Variants in ZFHX3 observed in about 807,000 individuals in gnomAD.
The protein encoded by ZFHX3 is zinc finger homeobox protein 3.
In ZFHX3, 42 loss-of-function variants were observed where a neutral mutation model predicts 279.1. The observed-to-expected ratio is 0.15, with a 90% CI of 0.12 to 0.19. ZFHX3 has a LOEUF of 0.19. Ranked by LOEUF, ZFHX3 falls within the 10% of genes least tolerant of loss-of-function variation. The pLI is 1.00. For synonymous variants in ZFHX3, 2,293 were observed against 1,957.8 expected, an observed-to-expected ratio of 1.17 and a Z score of -4.52; for missense variants, 4,981 against 4,754.0, an observed-to-expected ratio of 1.05 and a Z score of -1.40.
At chr16:73,650,976 C>A (rs777523602) in intron 2 of ZFHX3, among the ~76,000 whole-genome samples, 36 of 151,982 alleles carry the variant, frequency 2.4e-4, no homozygotes, top group Admixed American at 8.5e-4. Flanking sequence ...TTATAAGGCA[C>A]AGTTTATAAG....
chr16:73,349,361 C>T (rs546432003), intron 3 of ZFHX3, among the ~76,000 whole-genome samples: 1 of 152,280 alleles, frequency 6.6e-6, no homozygotes, highest in East Asian at 1.9e-4. Context: ...TACCTCTAAC[C>T]AAGTGCACAG....
chr16:72,871,789 A>AT (rs902901044), intron 4 of ZFHX3, among the ~76,000 whole-genome samples: 1 of 145,396 alleles, frequency 6.9e-6, no homozygotes, highest in Non-Finnish European at 1.5e-5. Context: ...AATTTTAAAA[A>AT]TTTTTTAAGG....
intron 4 of ZFHX3, among the ~76,000 whole-genome samples, chr16:73,288,877 G>A (rs2014699540): frequency 6.6e-6 from 1 of 151,480 alleles, no homozygotes; most frequent in Non-Finnish European, 1.5e-5. Context: ...GCCACCAATC[G>A]GAGAGCGGCT....
intron 4 of ZFHX3, among the ~76,000 whole-genome samples, chr16:73,280,055 C>G (rs987394239): frequency 1.3e-5 from 2 of 152,230 alleles, no homozygotes; most frequent in African/African-American, 2.4e-5. Flanking sequence ...GTTGGGGGAA[C>G]TGGACACACA....
rs2143265872 is a variant in ZFHX3, at chr16:72,787,222, G to A, written c.11054C>T (p.Pro3685Leu). 4 of 1,613,862 alleles carry A rather than the reference G, an allele frequency of 2.5e-6. No individual in the cohort carries two copies. The highest frequency in any genetic ancestry group is 3.4e-6 in the Non-Finnish European group (4 of 1,179,940). Residue 3685 changes from proline (P) to leucine (L), a missense_variant, in exon 10 of 10, where the codon CCC becomes CTC. Pro to Leu is a moderately conservative substitution (Grantham distance 98). Around this residue, in one of 7 missense-constraint regions of ZFHX3, gnomAD observed 1,034 missense variants for 786.0 expected, o/e 1.32. Transcript: ENST00000268489. ...CAGACCACTGTCCTTGGGGCAGCTG[G>A]GGTCTTTGGGACCCTCCACCGGGCT... is the stretch of plus-strand genomic sequence containing the variant. ...PASPVEGPKD[P>L]SCPKDSGLTS...
At chr16:73,091,290 T>C (rs149356758) in intron 8 of ZFHX3, among the ~76,000 whole-genome samples, 41 of 151,682 alleles carry the variant, frequency 2.7e-4, no homozygotes, top group African/African-American at 1.9e-4. Context: ...TGTCACGCTT[T>C]TCCAAAAGGG....
chr16:73,196,200 T>A (rs59511498), intron 5 of ZFHX3, among the ~76,000 whole-genome samples: 4,514 of 149,744 alleles, frequency 0.03, 205 homozygotes, highest in African/African-American at 0.097. Context: ...TGCAGTTTAA[T>A]TGCTCTTCAC....
intron 1 of ZFHX3, among the ~76,000 whole-genome samples, chr16:73,698,879 T>C (rs2142214641): frequency 6.7e-6 from 1 of 149,906 alleles, no homozygotes; most frequent in Admixed American, 6.6e-5. Context: ...TTTGTTTGTT[T>C]GTTTGTTTGT....
chr16:73,811,762 G>A (rs1283517791), intron 1 of ZFHX3, among the ~76,000 whole-genome samples: 1 of 151,942 alleles, frequency 6.6e-6, no homozygotes, highest in African/African-American at 2.4e-5. Flanking sequence ...CTTTCTAATA[G>A]GCAGGAGACT....
chr16:73,317,210 G>A (rs919901270), intron 4 of ZFHX3, among the ~76,000 whole-genome samples: 2 of 140,654 alleles, frequency 1.4e-5, no homozygotes, highest in Non-Finnish European at 3.0e-5. Flanking sequence ...TACTGCTGAG[G>A]TTCAGGAAGC....
At chr16:73,292,343 T>C (rs1251122892) in intron 4 of ZFHX3, among the ~76,000 whole-genome samples, 1 of 152,080 alleles carries the variant, frequency 6.6e-6, no homozygotes, top group East Asian at 1.9e-4. Context: ...AGTAAAGGCA[T>C]TCAGAGCCTG....
chr16:73,853,830 T>C (rs906841171), intron 1 of ZFHX3, among the ~76,000 whole-genome samples: 1 of 152,086 alleles, frequency 6.6e-6, no homozygotes, highest in African/African-American at 2.4e-5. Context: ...AAATCTAAAA[T>C]AAATTTTTAA....
intron 1 of ZFHX3, among the ~76,000 whole-genome samples, chr16:73,728,016 C>CCA (rs2053535004): frequency 2.4e-4 from 1 of 4,132 alleles, no homozygotes; most frequent in Non-Finnish European, 7.3e-4. Flanking sequence ...CCGAATTGTG[C>CCA]CCCCCCCCCG....
intron 1 of ZFHX3, among the ~76,000 whole-genome samples, chr16:73,875,790 C>T (rs1007020757): frequency 6.6e-6 from 1 of 152,124 alleles, no homozygotes; most frequent in African/African-American, 2.4e-5. Flanking sequence ...CATATGTATG[C>T]AGTTACGCAT....
At chr16:73,631,927 T>TCTCTCTCTCTCTCACA (rs1437204921) in intron 2 of ZFHX3, among the ~76,000 whole-genome samples, 5 of 136,728 alleles carry the variant, frequency 3.7e-5, no homozygotes, top group African/African-American at 1.2e-4. Flanking sequence ...TCTCTCTCTC[T>TCTCTCTCTCTCTCACA]CACACACACA....
chr16:72,948,085 T>A (rs990416425), intron 3 of ZFHX3, among the ~76,000 whole-genome samples: 1 of 152,164 alleles, frequency 6.6e-6, no homozygotes, highest in African/African-American at 2.4e-5. Context: ...AGCACTGGAA[T>A]GACAATCCCA....
At chr16:72,925,390 T>A (rs147705837) in intron 3 of ZFHX3, among the ~76,000 whole-genome samples, 1 of 152,296 alleles carries the variant, frequency 6.6e-6, no homozygotes, top group African/African-American at 2.4e-5. Flanking sequence ...AACCTTGAGG[T>A]CCCTAACTCT....
At chr16:73,554,027 AG>A (rs1178086689) in intron 2 of ZFHX3, among the ~76,000 whole-genome samples, 1 of 152,188 alleles carries the variant, frequency 6.6e-6, no homozygotes. Context: ...TCACAGTACA[AG>A]GGGGGAAATG....
At chr16:73,580,268 A>G (rs1278234074) in intron 2 of ZFHX3, among the ~76,000 whole-genome samples, 5 of 151,920 alleles carry the variant, frequency 3.3e-5, no homozygotes, top group Non-Finnish European at 5.9e-5. Flanking sequence ...TCACAAGGTC[A>G]AGAGGTTGAG....
Sources: gnomAD v4.1 joint callset for allele counts (sites outside exome capture counted in the v4.1 genomes callset) on GRCh38, gnomAD v4.1.1 for gene constraint, gnomAD v4.1.1 regional missense constraint, MANE v1.5 for transcripts, NCBI Gene and HGNC (gene_info 2026-07-23, HGNC 2026-07-21) for gene names.